The following MACROD2 variants were observed in gnomAD, a reference collection of about 807,000 sequenced individuals.
MACROD2 encodes mono-ADP ribosylhydrolase 2, also known as ADP-ribose glycohydrolase MACROD2.
Under a neutral mutation model 70.4 loss-of-function variants are expected in MACROD2, and 36 were observed. That is an observed-to-expected ratio of 0.51 (90% CI 0.39 to 0.68). The LOEUF (loss-of-function observed/expected upper bound fraction) is 0.68. Ranked by LOEUF, MACROD2 falls within the 30% of genes least tolerant of loss-of-function variation. The pLI is 0.00. For synonymous variants in MACROD2, 172 were observed against 178.8 expected (o/e 0.96, Z 0.30); for missense variants, 496 against 538.4 (o/e 0.92, Z 0.78).
intron 3 of MACROD2, among the ~76,000 whole-genome samples, chr20:14,451,028 C>A (rs1247203149): frequency 6.6e-6 from 1 of 151,994 alleles, no homozygotes; most frequent in Admixed American, 6.6e-5. Flanking sequence ...ATTTGAGTTA[C>A]CCCCAAAACA....
intron 6 of MACROD2, among the ~76,000 whole-genome samples, chr20:15,347,722 A>G (rs950407508): frequency 6.6e-6 from 1 of 152,200 alleles, no homozygotes; most frequent in African/African-American, 2.4e-5. Flanking sequence ...TTTTTAAAAA[A>G]TTGTCTTATC....
intron 12 of MACROD2, among the ~76,000 whole-genome samples, chr20:15,959,662 T>C (rs2066030971): frequency 6.6e-6 from 1 of 152,144 alleles, no homozygotes; most frequent in East Asian, 1.9e-4. Flanking sequence ...CCCAAGTAGC[T>C]GGGACTACAG....
At chr20:14,515,465 G>GCACACACACA (rs11467236) in intron 4 of MACROD2, among the ~76,000 whole-genome samples, 19 of 127,166 alleles carry the variant, frequency 1.5e-4, no homozygotes, top group Admixed American at 9.8e-4. Context: ...ACACACACAC[G>GCACACACACA]CACACACACA....
chr20:15,689,731 A>C (rs1159579274), intron 8 of MACROD2, among the ~76,000 whole-genome samples: 1 of 152,196 alleles, frequency 6.6e-6, no homozygotes, highest in Admixed American at 6.5e-5. Context: ...CAAGGGTCTC[A>C]GGTGGAAGTA....
chr20:15,460,997 TATATATATA>T (rs1439341856), intron 7 of MACROD2, among the ~76,000 whole-genome samples: 13 of 85,116 alleles, frequency 1.5e-4, no homozygotes, highest in African/African-American at 5.0e-4. Flanking sequence ...TATATATATA[TATATATATA>T]TTTTTTTTTA....
intron 5 of MACROD2, among the ~76,000 whole-genome samples, chr20:14,686,335 C>T (rs1600539691): frequency 6.6e-6 from 1 of 152,116 alleles, no homozygotes; most frequent in Non-Finnish European, 1.5e-5. Context: ...ACCTTATACA[C>T]ATAACATGAG....
intron 3 of MACROD2, among the ~76,000 whole-genome samples, chr20:14,315,549 A>G (rs966872930): frequency 6.6e-6 from 1 of 152,244 alleles, no homozygotes; most frequent in East Asian, 1.9e-4. Flanking sequence ...AATGAGGCAT[A>G]TAGATAATAA....
At chr20:14,917,690 G>C (rs567496502) in intron 5 of MACROD2, among the ~76,000 whole-genome samples, 2 of 152,184 alleles carry the variant, frequency 1.3e-5, no homozygotes, top group South Asian at 4.2e-4. Flanking sequence ...GGAGAACCAG[G>C]ACAGACATCC....
At position 14,978,815 on chromosome 20, in the gene MACROD2, T is replaced by C. The variant is rs934253397; in HGVS notation, c.419-251125T>C. Among the ~76,000 whole-genome samples the C allele has an allele frequency of 2.7e-5, 4 of 148,790 alleles. No homozygotes were observed. In the East Asian group the frequency reaches 7.8e-4, roughly 29 times the overall value. ...TCTCTCTCTAGTTGGATAAAAACTA[T>C]CCAAGTTGTCCCTGTTTGCAAAGGA... On this transcript the variant is annotated intron_variant, in intron 5 of 17. Coordinates refer to ENST00000684519, the MANE Select transcript of MACROD2 (RefSeq NM_001351661.2).
intron 4 of MACROD2, among the ~76,000 whole-genome samples, chr20:14,604,203 T>C (rs1418375752): frequency 6.6e-6 from 1 of 152,212 alleles, no homozygotes; most frequent in Non-Finnish European, 1.5e-5. Context: ...TCCTTAATTA[T>C]TCAAGAATCC....
intron 5 of MACROD2, among the ~76,000 whole-genome samples, chr20:15,009,141 C>T (rs905131194): frequency 6.6e-6 from 1 of 152,134 alleles, no homozygotes; most frequent in Non-Finnish European, 1.5e-5. Context: ...AAAAAGCCAG[C>T]AAATGTACCC....
At chr20:15,601,379 A>C (rs2048817787) in intron 8 of MACROD2, among the ~76,000 whole-genome samples, 1 of 152,174 alleles carries the variant, frequency 6.6e-6, no homozygotes, top group African/African-American at 2.4e-5. Flanking sequence ...GCGCCCATTC[A>C]CCCATCCCAA....
chr20:15,249,535 T>G (rs2077136073), intron 6 of MACROD2, among the ~76,000 whole-genome samples: 2 of 152,200 alleles, frequency 1.3e-5, no homozygotes, highest in Admixed American at 1.3e-4. Context: ...CCTTAGCATG[T>G]GCTTCCCAAT....
At chr20:14,117,543 A>C (rs1364164497) in intron 3 of MACROD2, among the ~76,000 whole-genome samples, 3 of 152,196 alleles carry the variant, frequency 2.0e-5, no homozygotes, top group African/African-American at 7.2e-5. Context: ...AGAGTTGTTT[A>C]TATGGTGCTA....
chr20:14,530,796 A>C (rs1030379476), intron 4 of MACROD2, among the ~76,000 whole-genome samples: 1 of 152,254 alleles, frequency 6.6e-6, no homozygotes, highest in Admixed American at 6.5e-5. Context: ...TGGCATACGT[A>C]ACAGAATGGC....
At chr20:14,842,329 A>G (rs1357781414) in intron 5 of MACROD2, among the ~76,000 whole-genome samples, 1 of 152,066 alleles carries the variant, frequency 6.6e-6, no homozygotes, top group Non-Finnish European at 1.5e-5. Flanking sequence ...TTAAATTTCA[A>G]CATGAATTTT....
Position 15,912,873 on chromosome 20 carries a change from T to A in MACROD2, c.776-20403T>A, listed in dbSNP as rs80325074. 2.2e-3 allele frequency among the ~76,000 whole-genome samples: 337 copies of A among 152,294 alleles called. 2 individuals are homozygous for A. The highest frequency in any genetic ancestry group is 7.7e-3 in the African/African-American group (321 of 41,570). On this transcript the variant is annotated intron_variant, in intron 10 of 17. Coordinates refer to ENST00000684519, the MANE Select transcript of MACROD2 (RefSeq NM_001351661.2). Reference sequence around the variant, plus strand: ...AATTTAATTATATGACAATGAGTATTCTCATAGAGTAAGTTAGGAAAGTTT... The same window carrying A: ...AATTTAATTATATGACAATGAGTATACTCATAGAGTAAGTTAGGAAAGTTT...
intron 3 of MACROD2, among the ~76,000 whole-genome samples, chr20:14,090,348 G>C (rs2054130781): frequency 6.6e-6 from 1 of 151,820 alleles, no homozygotes; most frequent in African/African-American, 2.4e-5. Flanking sequence ...GTCAAGGCGG[G>C]TGGATCATGA....
intron 4 of MACROD2, among the ~76,000 whole-genome samples, chr20:14,589,570 C>G (rs1334621848): frequency 1.3e-5 from 2 of 152,144 alleles, no homozygotes; most frequent in East Asian, 1.9e-4. Context: ...ATATGTAGCT[C>G]TAGCCATTCT....
Sources: allele counts gnomAD v4.1 joint callset (sites outside exome capture counted in the v4.1 genomes callset), GRCh38; gene constraint gnomAD v4.1.1; transcripts MANE v1.5; gene names NCBI Gene and HGNC (gene_info 2026-07-23, HGNC 2026-07-21).